Variants in PKHD1 observed in about 807,000 individuals in gnomAD.
PKHD1 encodes PKHD1 ciliary IPT domain containing fibrocystin/polyductin, also known as fibrocystin.
In PKHD1, 291 loss-of-function variants were observed where a neutral mutation model predicts 412.0. That is an observed-to-expected ratio of 0.71 (90% CI 0.64 to 0.78). PKHD1 has a LOEUF of 0.78. PKHD1 is among the 30% of genes least tolerant of loss of function. The pLI, the probability that PKHD1 is intolerant of heterozygous loss-of-function variation, is 0.00. For missense variants in PKHD1, 4,825 were observed against 4,950.7 expected, an observed-to-expected ratio of 0.97 and a Z score of 0.76; for synonymous variants, 1,777 against 1,821.5, an observed-to-expected ratio of 0.98 and a Z score of 0.62.
intron 60 of PKHD1, among the ~76,000 whole-genome samples, chr6:51,660,814 A>G (rs1450324559): frequency 6.6e-6 from 1 of 152,018 alleles, no homozygotes; most frequent in African/African-American, 2.4e-5. Flanking sequence ...AGCTCTCCCA[A>G]TCCTGTCCTT....
intron 12 of PKHD1, among the ~76,000 whole-genome samples, chr6:52,065,361 G>A (rs185856866): frequency 3.7e-4 from 56 of 151,964 alleles, no homozygotes; most frequent in African/African-American, 1.2e-3. Context: ...ATAGGGCAGC[G>A]TGGAGTATTC....
chr6:51,760,227 C>T (rs1787766362), intron 55 of PKHD1, among the ~76,000 whole-genome samples: 1 of 152,036 alleles, frequency 6.6e-6, no homozygotes, highest in South Asian at 2.1e-4. Context: ...AACCAAGAAG[C>T]TCAATAAGTT....
At chr6:51,636,683 G>A (rs143557289) in intron 64 of PKHD1, among the ~76,000 whole-genome samples, 1 of 152,214 alleles carries the variant, frequency 6.6e-6, no homozygotes, top group African/African-American at 2.4e-5. Flanking sequence ...TCATTGTTTG[G>A]CGAAAATGTG....
chr6:51,659,646 G>A lies in PKHD1; in HGVS notation c.10480C>T (p.Leu3494Phe). ...TCATGGTAGAATACAGCCAAGAGAA[G>A]CTTGGAGGTACTTTTGTTCCCCAAT... ...FLLGNKSTSK[L>F]LLAVFYHELQ... Residue 3494 changes from leucine (L) to phenylalanine (F), a missense_variant, in exon 61 of 67, where the codon CTT becomes TTT. Transcript: ENST00000371117. The A allele has an allele frequency of 6.2e-7, 1 of 1,613,580 alleles. No individual in the cohort carries two copies. Among genetic ancestry groups the A allele is most frequent in the Non-Finnish European group, 8.5e-7 (1 of 1,179,664 alleles).
At chr6:51,917,358 T>C (rs545688448) in intron 37 of PKHD1, among the ~76,000 whole-genome samples, 8 of 152,286 alleles carry the variant, frequency 5.3e-5, no homozygotes, top group South Asian at 2.1e-4. Context: ...CCATTATCCA[T>C]AGCAAAACAT....
intron 28 of PKHD1, among the ~76,000 whole-genome samples, chr6:52,033,647 A>G (rs112924042): frequency 2.1e-4 from 32 of 151,568 alleles, no homozygotes; most frequent in Non-Finnish European, 3.1e-4. Flanking sequence ...ATATATATAT[A>G]TATCTGAAAC....
chr6:51,810,959 C>A (rs969274250), intron 52 of PKHD1, among the ~76,000 whole-genome samples: 4 of 152,056 alleles, frequency 2.6e-5, no homozygotes, highest in African/African-American at 7.2e-5. Context: ...TGGGATTAAA[C>A]CCTATTTAAC....
At chr6:51,800,820 G>A (rs1762798451) in intron 52 of PKHD1, among the ~76,000 whole-genome samples, 1 of 152,176 alleles carries the variant, frequency 6.6e-6, no homozygotes. Flanking sequence ...CTATTGTCAG[G>A]AAAGCAGCCT....
At chr6:51,739,608 G>A (rs1278863651) in intron 60 of PKHD1, among the ~76,000 whole-genome samples, 2 of 152,184 alleles carry the variant, frequency 1.3e-5, no homozygotes, top group East Asian at 3.8e-4. Context: ...TGGAACATAA[G>A]TTTGATGGCA....
At chr6:51,855,560 CAATAAGTTTTAAAGAAATG>C (rs1432839733) in intron 49 of PKHD1, among the ~76,000 whole-genome samples, 3 of 152,096 alleles carry the variant, frequency 2.0e-5, no homozygotes, top group Non-Finnish European at 2.9e-5. Flanking sequence ...GGCTATTGAC[CAATAAGTTTTAAAGAAATG>C]CAATGCTATA....
intron 48 of PKHD1, among the ~76,000 whole-genome samples, chr6:51,856,495 T>C (rs1287996843): frequency 6.6e-6 from 1 of 152,236 alleles, no homozygotes; most frequent in Non-Finnish European, 1.5e-5. Flanking sequence ...CAAAGAAATG[T>C]CTATGGCCAG....
chr6:51,767,003 GT>G (rs1789164240), intron 55 of PKHD1, among the ~76,000 whole-genome samples: 2 of 151,768 alleles, frequency 1.3e-5, no homozygotes, highest in South Asian at 4.2e-4. Flanking sequence ...TTTACATTTT[GT>G]TTTCTAATCC....
intron 52 of PKHD1, among the ~76,000 whole-genome samples, chr6:51,803,575 T>C (rs1185660745): frequency 6.6e-6 from 1 of 151,570 alleles, no homozygotes; most frequent in Non-Finnish European, 1.5e-5. Flanking sequence ...GAAAAGGTAT[T>C]ATCACTGACC....
At chr6:52,080,036 G>C (rs1404717202) in intron 4 of PKHD1, 28 bp from the exon 5 acceptor site, 3 of 1,383,400 alleles carry the variant, frequency 2.2e-6, no homozygotes, top group East Asian at 4.6e-5. Flanking sequence ...AAATCCTTAT[G>C]AATCAAAAAC....
chr6:51,793,204 T>C (rs1952194), intron 52 of PKHD1, among the ~76,000 whole-genome samples: 89,860 of 151,990 alleles, frequency 0.59, 27,229 homozygotes, highest in East Asian at 0.83. Flanking sequence ...CTAGCACTTT[T>C]CAAAATATTC....
intron 53 of PKHD1, among the ~76,000 whole-genome samples, chr6:51,790,041 A>C (rs1490602075): frequency 1.3e-5 from 2 of 152,162 alleles, no homozygotes; most frequent in African/African-American, 4.8e-5. Context: ...TTTTTCAGAA[A>C]TATTTTTACA....
At chr6:51,676,593 C>T (rs1431306335) in intron 60 of PKHD1, among the ~76,000 whole-genome samples, 1 of 147,550 alleles carries the variant, frequency 6.8e-6, no homozygotes, top group Non-Finnish European at 1.5e-5. Context: ...TGGCAAACAA[C>T]ATTTATACCT....
chr6:51,628,963 G>A (rs927390317), intron 65 of PKHD1, among the ~76,000 whole-genome samples: 4 of 152,142 alleles, frequency 2.6e-5, no homozygotes, highest in Admixed American at 2.6e-4. Context: ...AAGCAATTGT[G>A]AAAGGACTCC....
At chr6:52,006,435 C>T (rs1193800650) in intron 35 of PKHD1, among the ~76,000 whole-genome samples, 3 of 151,758 alleles carry the variant, frequency 2.0e-5, no homozygotes, top group East Asian at 3.9e-4. Context: ...GGAGCACATT[C>T]GCAAAATCCT....
Sources: allele counts gnomAD v4.1 joint callset (sites outside exome capture counted in the v4.1 genomes callset), GRCh38; gene constraint gnomAD v4.1.1; transcripts MANE v1.5; gene names NCBI Gene and HGNC (gene_info 2026-07-23, HGNC 2026-07-21).